The following MCPH1 variants were observed in gnomAD, a reference collection of about 807,000 sequenced individuals.
The protein encoded by MCPH1 is microcephalin.
Under a neutral mutation model 84.5 loss-of-function variants are expected in MCPH1, and 104 were observed. That is an observed-to-expected ratio of 1.23 (90% CI 1.05 to 1.45). The LOEUF (loss-of-function observed/expected upper bound fraction) is 1.45. Ranked by LOEUF, MCPH1 falls within the 40% of genes most tolerant of loss-of-function variation. The probability of loss-of-function intolerance (pLI) is 0.00; values close to 1 mark genes in which losing one functional copy is unlikely to be tolerated. For synonymous variants in MCPH1, 514 were observed against 366.8 expected, an observed-to-expected ratio of 1.40 and a Z score of -4.58; for missense variants, 1,498 against 1,005.7, an observed-to-expected ratio of 1.49 and a Z score of -6.62.
At chr8:6,464,922 C>G (rs546447054) in intron 9 of MCPH1, among the ~76,000 whole-genome samples, 1 of 152,118 alleles carries the variant, frequency 6.6e-6, no homozygotes, top group South Asian at 2.1e-4. Flanking sequence ...TCACTTGAAC[C>G]CAGGAGGTAG....
At chr8:6,639,461 G>A (rs186715588) in intron 13 of MCPH1, among the ~76,000 whole-genome samples, 6 of 152,076 alleles carry the variant, frequency 3.9e-5, no homozygotes, top group Non-Finnish European at 7.4e-5. Context: ...GGGAGTTTGA[G>A]ACCAGCCTTG....
intron 12 of MCPH1, among the ~76,000 whole-genome samples, chr8:6,559,893 G>T (rs1825250915): frequency 6.6e-6 from 1 of 152,212 alleles, no homozygotes; most frequent in Non-Finnish European, 1.5e-5. Flanking sequence ...CTACTACACA[G>T]TGAGTAAGCT....
At chr8:6,501,659 A>G (rs2442469) in intron 12 of MCPH1, 11,069 of 150,778 alleles carry the variant, frequency 0.073, 428 homozygotes, top group Non-Finnish European at 0.081. Flanking sequence ...GGTGCAAGCA[A>G]TTCTCCCTGC....
rs1307314722 is a variant in MCPH1 at position 6,645,869 on chromosome 8, T to A, written c.*2820T>A. The A allele has an allele frequency of 6.6e-6, 1 of 152,186 alleles. No homozygotes were observed. The highest frequency in any genetic ancestry group is 1.5e-5 in the Non-Finnish European group (1 of 68,012). 9.4% of individuals were successfully genotyped at this position (152,186 alleles called of 1,614,324 possible). ...CCTGTAAAACATTGCTGAAAGAAGT[T>A]AAAGACTTCTTTAAATAGAGACATA... On this transcript the variant is annotated 3_prime_UTR_variant, in exon 14 of 14. Coordinates refer to ENST00000344683, the MANE Select transcript of MCPH1 (RefSeq NM_024596.5).
chr8:6,484,455 G>C (rs988716381), intron 11 of MCPH1, among the ~76,000 whole-genome samples: 1 of 152,222 alleles, frequency 6.6e-6, no homozygotes, highest in Non-Finnish European at 1.5e-5. Flanking sequence ...TGGTCCAGCC[G>C]CTTTGAGAAA....
chr8:6,604,991 A>G (rs558624591), intron 12 of MCPH1, among the ~76,000 whole-genome samples: 1 of 152,344 alleles, frequency 6.6e-6, no homozygotes, highest in East Asian at 1.9e-4. Context: ...GTTCGGTGCC[A>G]TCCCTTCATT....
chr8:6,407,970 A>G (rs889490515), intron 1 of MCPH1, among the ~76,000 whole-genome samples: 1 of 152,220 alleles, frequency 6.6e-6, no homozygotes, highest in Non-Finnish European at 1.5e-5. Context: ...CGGCCCGTTA[A>G]TATATTACCT....
intron 13 of MCPH1, among the ~76,000 whole-genome samples, chr8:6,631,355 G>C (rs889889190): frequency 6.6e-6 from 1 of 152,136 alleles, no homozygotes; most frequent in African/African-American, 2.4e-5. Flanking sequence ...AAAGACTTCA[G>C]TGCATCAAAG....
rs1817173499 is a variant in MCPH1, at chr8:6,520,763, A to G, written c.2214+20834A>G. ...ATAAGGAAGGCAAAATGTGCTTAAG[A>G]ACCTGGCAAGATAAGGGAACTAGCA... On this transcript the variant is annotated intron_variant, in intron 12 of 13. Coordinates refer to ENST00000344683, the MANE Select transcript of MCPH1 (RefSeq NM_024596.5). 2.6e-5 allele frequency among the ~76,000 whole-genome samples: 4 copies of G among 152,232 alleles called. No homozygotes were observed. The South Asian group carries it at 8.3e-4, about 32-fold the overall frequency.
chr8:6,494,573 G>C (rs902076042), intron 11 of MCPH1: 5 of 152,158 alleles, frequency 3.3e-5, no homozygotes, highest in Non-Finnish European at 5.9e-5. Flanking sequence ...CATTTTTGAC[G>C]CTGATCACTA....
At chr8:6,497,760 G>A (rs1056867743) in intron 11 of MCPH1, among the ~76,000 whole-genome samples, 1 of 152,140 alleles carries the variant, frequency 6.6e-6, no homozygotes, top group Non-Finnish European at 1.5e-5. Flanking sequence ...TTGCTATGAA[G>A]CTAAAGTGGC....
chr8:6,447,874 A>G (rs140083656), intron 8 of MCPH1, among the ~76,000 whole-genome samples: 1 of 152,296 alleles, frequency 6.6e-6, no homozygotes, highest in East Asian at 1.9e-4. Flanking sequence ...TAAAATCTTT[A>G]AAATCATTAA....
At chr8:6,608,718 G>T (rs546496461) in intron 12 of MCPH1, among the ~76,000 whole-genome samples, 3 of 152,180 alleles carry the variant, frequency 2.0e-5, no homozygotes, top group African/African-American at 7.2e-5. Flanking sequence ...AGTTGGGGCT[G>T]CAGCAACTGG....
intron 12 of MCPH1, among the ~76,000 whole-genome samples, chr8:6,554,370 C>T (rs1278059145): frequency 6.6e-6 from 1 of 151,786 alleles, no homozygotes; most frequent in Non-Finnish European, 1.5e-5. Context: ...ACGTTCTCGC[C>T]CCCAAAAGCC....
intron 12 of MCPH1, among the ~76,000 whole-genome samples, chr8:6,515,909 T>C (rs1816179265): frequency 6.6e-6 from 1 of 152,188 alleles, no homozygotes; most frequent in South Asian, 2.1e-4. Flanking sequence ...ATTCCTGTTC[T>C]TTCATTTCCT....
intron 13 of MCPH1, among the ~76,000 whole-genome samples, chr8:6,633,229 G>A (rs1308493852): frequency 6.6e-6 from 1 of 152,100 alleles, no homozygotes; most frequent in South Asian, 2.1e-4. Flanking sequence ...AAAATTACAA[G>A]AATTATACAG....
intron 13 of MCPH1, chr8:6,626,435 A>G (rs1346513080): frequency 6.1e-6 from 6 of 983,406 alleles, no homozygotes; most frequent in Non-Finnish European, 7.2e-6. Flanking sequence ...TCATTCAACC[A>G]GAAGGAGAAA....
At chr8:6,627,867 G>C (rs1796861253) in intron 13 of MCPH1, among the ~76,000 whole-genome samples, 1 of 151,998 alleles carries the variant, frequency 6.6e-6, no homozygotes, top group Non-Finnish European at 1.5e-5. Flanking sequence ...ACTCCAGCCT[G>C]TGCGACAGAG....
At chr8:6,475,285 C>G (rs1808300171) in intron 9 of MCPH1, among the ~76,000 whole-genome samples, 1 of 152,242 alleles carries the variant, frequency 6.6e-6, no homozygotes, top group African/African-American at 2.4e-5. Flanking sequence ...TACTTGGGTG[C>G]CCTTCACGGG....
Sources: gnomAD v4.1 joint callset for allele counts (sites outside exome capture counted in the v4.1 genomes callset) on GRCh38, gnomAD v4.1.1 for gene constraint, MANE v1.5 for transcripts, NCBI Gene and HGNC (gene_info 2026-07-23, HGNC 2026-07-21) for gene names.